SMYD3: variants seen among roughly 807,000 people sequenced by gnomAD.
SMYD3 encodes SET and MYND domain containing 3, also known as histone-lysine N-methyltransferase SMYD3.
In SMYD3, 36 loss-of-function variants were observed where a neutral mutation model predicts 57.7. That is an observed-to-expected ratio of 0.62 (90% CI 0.48 to 0.82). The LOEUF is 0.82. Among genes scored for constraint, SMYD3 ranks in the 40% least tolerant of loss-of-function variants. The probability of loss-of-function intolerance (pLI) is 0.00; values close to 1 mark genes in which losing one functional copy is unlikely to be tolerated. For synonymous variants in SMYD3, 211 were observed against 195.0 expected, an observed-to-expected ratio of 1.08 and a Z score of -0.68; for missense variants, 515 against 538.8, an observed-to-expected ratio of 0.96 and a Z score of 0.44.
At chr1:245,798,237 T>C (rs2148221022) in intron 10 of SMYD3, among the ~76,000 whole-genome samples, 1 of 151,980 alleles carries the variant, frequency 6.6e-6, no homozygotes, top group African/African-American at 2.4e-5. Flanking sequence ...CAGTAGTGCC[T>C]GTGTCGAGCT....
intron 5 of SMYD3, among the ~76,000 whole-genome samples, chr1:246,287,883 G>A (rs1486518150): frequency 6.6e-6 from 1 of 152,026 alleles, no homozygotes; most frequent in East Asian, 1.9e-4. Flanking sequence ...TTTTTAAAAT[G>A]AGGGCTGAAA....
chr1:246,346,732 G>A (rs1311605901), intron 2 of SMYD3, among the ~76,000 whole-genome samples: 1 of 152,138 alleles, frequency 6.6e-6, no homozygotes, highest in Non-Finnish European at 1.5e-5. Context: ...GACACATGGG[G>A]ATTATGGGAA....
At chr1:246,157,717 C>A (rs1031477211) in intron 5 of SMYD3, among the ~76,000 whole-genome samples, 3 of 152,152 alleles carry the variant, frequency 2.0e-5, no homozygotes, top group Non-Finnish European at 4.4e-5. Flanking sequence ...GTTAATTACA[C>A]AAGAGACTAG....
At chr1:245,995,766 G>A (rs562326457) in intron 5 of SMYD3, among the ~76,000 whole-genome samples, 3 of 152,282 alleles carry the variant, frequency 2.0e-5, no homozygotes, top group African/African-American at 7.2e-5. Context: ...CCCAGGAGGG[G>A]GATTTGGATA....
At chr1:246,029,235 T>G (rs1173182399) in intron 5 of SMYD3, among the ~76,000 whole-genome samples, 1 of 152,180 alleles carries the variant, frequency 6.6e-6, no homozygotes, top group Non-Finnish European at 1.5e-5. Context: ...AAGGTTTCTG[T>G]ACAGCAAAGA....
intron 5 of SMYD3, chr1:246,325,704 AT>A (rs1421160118): frequency 1.1e-4 from 17 of 152,340 alleles, no homozygotes; most frequent in African/African-American, 3.8e-4. Context: ...GTATTTTAAA[AT>A]ATTTTTCATG....
chr1:245,807,078 T>C (rs1054485213), intron 10 of SMYD3, among the ~76,000 whole-genome samples: 2 of 152,032 alleles, frequency 1.3e-5, no homozygotes, highest in Admixed American at 1.3e-4. Context: ...CTGCTGCTGC[T>C]CACTCCTCCT....
intron 5 of SMYD3, among the ~76,000 whole-genome samples, chr1:246,204,977 G>A (rs937516882): frequency 6.6e-6 from 1 of 152,188 alleles, no homozygotes; most frequent in African/African-American, 2.4e-5. Flanking sequence ...GTTAGCCTGA[G>A]AGCCAGACTT....
At chr1:246,066,607 A>T (rs2148368897) in intron 5 of SMYD3, among the ~76,000 whole-genome samples, 1 of 152,342 alleles carries the variant, frequency 6.6e-6, no homozygotes, top group South Asian at 2.1e-4. Flanking sequence ...AATTTGAGCT[A>T]AACTCGAAAT....
Position 246,125,077 on chromosome 1 carries a change from A to ACACACACACACACACACACACACAC in SMYD3, c.532-195141_532-195140insGTGTGTGTGTGTGTGTGTGTGTGTG, listed in dbSNP as rs1553295580. Among the ~76,000 whole-genome samples, 205 of 104,244 alleles carry ACACACACACACACACACACACACAC rather than the reference A, an allele frequency of 2.0e-3. 1 individual carries two copies. Among genetic ancestry groups the ACACACACACACACACACACACACAC allele is most frequent in the African/African-American group, 5.7e-3 (189 of 32,908 alleles). 68.4% of individuals were successfully genotyped at this position (104,244 alleles called of 152,430 possible). A position where few individuals can be genotyped will look rare whatever the true frequency, so the allele number is the denominator to read the frequency against. On this transcript the variant is annotated intron_variant, in intron 5 of 11. Coordinates refer to ENST00000490107, the MANE Select transcript of SMYD3 (RefSeq NM_001167740.2). The stretch of plus-strand genomic sequence containing the variant: ...ACAGAGCGAGACTCCGTCTCAAAAA[A>ACACACACACACACACACACACACAC]AAAAAAAAAAACACACACACACACA...
chr1:245,931,702 A>T (rs2056730916), intron 5 of SMYD3, among the ~76,000 whole-genome samples: 1 of 152,216 alleles, frequency 6.6e-6, no homozygotes, highest in African/African-American at 2.4e-5. Context: ...CTGACTTGTT[A>T]TAAAGTTTCT....
chr1:246,305,996 TTGG>T (rs1361425953), intron 5 of SMYD3: 1 of 152,214 alleles, frequency 6.6e-6, no homozygotes, highest in Non-Finnish European at 1.5e-5. Context: ...CTGAACTCTC[TTGG>T]TGGCACCACA....
chr1:246,349,629 G>C (rs1303309398), intron 2 of SMYD3, among the ~76,000 whole-genome samples: 2 of 152,152 alleles, frequency 1.3e-5, no homozygotes, highest in Admixed American at 6.5e-5. Context: ...TTTTTAAAGA[G>C]AGGGAGCAGG....
intron 5 of SMYD3, among the ~76,000 whole-genome samples, chr1:245,932,266 T>C (rs1265135224): frequency 6.6e-6 from 1 of 152,232 alleles, no homozygotes; most frequent in African/African-American, 2.4e-5. Context: ...GAAAAATCTT[T>C]ATCAGTTTTT....
intron 8 of SMYD3, among the ~76,000 whole-genome samples, chr1:245,882,508 C>T (rs1176379879): frequency 1.3e-5 from 2 of 152,102 alleles, no homozygotes; most frequent in African/African-American, 2.4e-5. Flanking sequence ...TATTTTCAAT[C>T]ATGTGGGGGT....
intron 10 of SMYD3, among the ~76,000 whole-genome samples, chr1:245,766,380 A>G (rs1363760109): frequency 7.0e-6 from 1 of 143,608 alleles, no homozygotes; most frequent in East Asian, 2.1e-4. Context: ...AGCCTGGGCA[A>G]CAAGAGCGAG....
Position 245,989,887 on chromosome 1 carries a change from G to A in SMYD3, c.532-59950C>T, listed in dbSNP as rs1313589975. Among the ~76,000 whole-genome samples, 52 of 152,092 alleles carry A rather than the reference G, an allele frequency of 3.4e-4. 1 individual carries two copies. The highest frequency in any genetic ancestry group is 3.4e-3 in the Admixed American group (52 of 15,270). On this transcript the variant is annotated intron_variant, in intron 5 of 11. Coordinates refer to ENST00000490107, the MANE Select transcript of SMYD3 (RefSeq NM_001167740.2). ...GAGACTCAAATCCTATAGATGCCCTGACCTTAAGATATAAAAATTCAATTT... is the reference window on the plus strand; with the variant it reads ...GAGACTCAAATCCTATAGATGCCCTAACCTTAAGATATAAAAATTCAATTT...
intron 10 of SMYD3, among the ~76,000 whole-genome samples, chr1:245,816,914 T>G (rs944418076): frequency 1.3e-5 from 2 of 151,104 alleles, no homozygotes; most frequent in Non-Finnish European, 3.0e-5. Flanking sequence ...GGAGTCTCGC[T>G]GATTGCCAGC....
chr1:246,145,270 G>A (rs1004084539), intron 5 of SMYD3, among the ~76,000 whole-genome samples: 8 of 152,092 alleles, frequency 5.3e-5, no homozygotes, highest in African/African-American at 1.7e-4. Context: ...AAATGAAAGC[G>A]GTATAACATC....
Sources: gnomAD v4.1 joint callset for allele counts (sites outside exome capture counted in the v4.1 genomes callset) on GRCh38, gnomAD v4.1.1 for gene constraint, MANE v1.5 for transcripts, NCBI Gene and HGNC (gene_info 2026-07-23, HGNC 2026-07-21) for gene names.